RADIL: variants seen among roughly 807,000 people sequenced by gnomAD.
RADIL encodes the protein Rap associating with DIL domain, also known as ras-associating and dilute domain-containing protein.
RADIL carries 99 observed loss-of-function variants against 97.6 expected under a neutral mutation model. That is an observed-to-expected ratio of 1.01 (90% CI 0.86 to 1.20). The LOEUF is 1.20. Among genes scored for constraint, RADIL ranks in the 50% most tolerant of loss-of-function variants. The pLI, the probability that RADIL is intolerant of heterozygous loss-of-function variation, is 0.00. For synonymous variants in RADIL, 803 were observed against 691.8 expected (o/e 1.16, Z -2.52); for missense variants, 1,765 against 1,498.9 (o/e 1.18, Z -2.93).
chr7:4,830,736 T>C (rs1280031189), intron 5 of RADIL, among the ~76,000 whole-genome samples: 3 of 151,834 alleles, frequency 2.0e-5, no homozygotes, highest in Non-Finnish European at 2.9e-5. Context: ...AATTAGCGGC[T>C]GGGCGCGGTG....
intron 2 of RADIL, chr7:4,859,626 C>A: frequency 2.4e-6 from 1 of 411,546 alleles, no homozygotes. Flanking sequence ...ACAACAGGTT[C>A]AGTTGGCAGA....
At chr7:4,808,918 C>A (rs1782446866) in intron 9 of RADIL, 1 of 879,542 alleles carries the variant, frequency 1.1e-6, no homozygotes, top group African/African-American at 2.8e-5. Context: ...TGCCCCCCCA[C>A]GTCTCCTTCC....
At chr7:4,881,101 TAAAAAAAAAAAAAA>T (rs58900044) in intron 1 of RADIL, among the ~76,000 whole-genome samples, 3 of 55,180 alleles carry the variant, frequency 5.4e-5, no homozygotes, top group Non-Finnish European at 9.9e-5. Context: ...CCCTCTCTGT[TAAAAAAAAAAAAAA>T]AAAAAAAAAA....
Position 4,846,175 on chromosome 7 carries a change from G to A in RADIL, c.536-9570C>T, listed in dbSNP as rs557884261. Among the ~76,000 whole-genome samples, 33 of 151,184 alleles carry A rather than the reference G, an allele frequency of 2.2e-4. No homozygotes were observed. The South Asian group carries it at 6.3e-3, about 29-fold the overall frequency. ...AGACGGAGTCTCGCTCTGTCACCAG[G>A]CTGGAGTGCAGTGGTGCGATCTTGG... On this transcript the variant is annotated intron_variant, in intron 2 of 14. Transcript: ENST00000399583.
rs966801692 is a variant in RADIL at position 4,809,085 on chromosome 7, T to C, written c.2140-3369A>G. The C allele has an allele frequency of 4.1e-6, 4 of 978,092 alleles. No individual in the cohort carries two copies. In the East Asian group the frequency reaches 4.9e-4, roughly 120 times the overall value. 60.6% of individuals were successfully genotyped at this position (978,092 alleles called of 1,614,324 possible). A position where few individuals can be genotyped will look rare whatever the true frequency, so the allele number is the denominator to read the frequency against. On this transcript the variant is annotated intron_variant, in intron 9 of 14. Transcript: ENST00000399583. ...TGCCACTGCCCCTCCGCGTCTCCTG[T>C]AGACGCTCTGCTCAGGATGCGGGGC...
rs1274734358 is a variant in RADIL at position 4,842,101 on chromosome 7, G to A, written c.536-5496C>T. 5.9e-5 allele frequency among the ~76,000 whole-genome samples: 9 copies of A among 152,006 alleles called. No individual in the cohort carries two copies. Among genetic ancestry groups the A allele is most frequent in the Admixed American group, 1.3e-4 (2 of 15,262 alleles). Reference sequence around the variant, plus strand: ...CAAGGCCAGAGGCTGGAATAGCAGCGTAGGCCTCGTAAGGGACCATGGTTT... The same window carrying A: ...CAAGGCCAGAGGCTGGAATAGCAGCATAGGCCTCGTAAGGGACCATGGTTT... On this transcript the variant is annotated intron_variant, in intron 2 of 14. Transcript: ENST00000399583. This position sits in a 1 kb window ranked among gnomAD's most constrained non-coding sequence, Gnocchi z 4.5.
chr7:4,804,421 C>G (rs1231031569), intron 10 of RADIL, among the ~76,000 whole-genome samples: 1 of 152,234 alleles, frequency 6.6e-6, no homozygotes, highest in African/African-American at 2.4e-5. Flanking sequence ...TCCCGCCATC[C>G]CGTACTCTGT....
chr7:4,822,705 C>G lies in RADIL; in HGVS notation c.1455-151G>C. ...GACACTGCTGGGCGGGGACGTTTAA[C>G]AATACGTGTACCCGCCTGGCACCTG... is the stretch of plus-strand genomic sequence containing the variant. On this transcript the variant is annotated intron_variant, in intron 5 of 14. Transcript: ENST00000399583. This position sits in a 1 kb window ranked among gnomAD's most constrained non-coding sequence, Gnocchi z 5.3. The G allele has an allele frequency of 1.1e-6, 1 of 908,982 alleles. No homozygotes were observed. Among genetic ancestry groups the G allele is most frequent in the Non-Finnish European group, 1.6e-6 (1 of 618,752 alleles). The allele number at this position is 908,982 out of a possible 1,614,324, so 56.3% of individuals were successfully genotyped here.
At chr7:4,801,572 G>T (rs140550004) in intron 12 of RADIL, 81 bp downstream of exon 12, 7 of 1,434,276 alleles carry the variant, frequency 4.9e-6, no homozygotes, top group Non-Finnish European at 6.5e-6. Flanking sequence ...CCCAAGGGGG[G>T]AACGATCCCA....
In RADIL at chr7:4,822,279, G is replaced by A. The variant is rs560725143; in HGVS notation, c.1615+115C>T. The A allele has an allele frequency of 1.6e-4, 204 of 1,287,072 alleles. No homozygotes were observed. Among genetic ancestry groups the A allele is most frequent in the East Asian group, 7.4e-4 (29 of 39,350 alleles). The allele number at this position is 1,287,072 out of a possible 1,614,324, so 79.7% of individuals were successfully genotyped here. ...CAGCCTAGGGACTGAGGAAGCCCCC[G>A]GCATGAATCCACCCCTGCTATCATG... On this transcript the variant is annotated intron_variant, in intron 6 of 14. Transcript: ENST00000399583. The surrounding 1 kb of genome is among the most constrained non-coding windows in gnomAD (Gnocchi z 5.3).
Position 4,835,306 on chromosome 7 carries a change from T to G in RADIL, c.784-67A>C, listed in dbSNP as rs1783265024. The G allele has an allele frequency of 1.3e-6, 2 of 1,553,614 alleles. No individual in the cohort carries two copies. Among genetic ancestry groups the G allele is most frequent in the Admixed American group, 3.7e-5 (2 of 54,744 alleles). Reference sequence around the variant, plus strand: ...GCACACGGGAAAAGCGTCCCGTGTCTAGTCACTGGTTGCTGAAGCAGCGTG... The same window carrying G: ...GCACACGGGAAAAGCGTCCCGTGTCGAGTCACTGGTTGCTGAAGCAGCGTG... On this transcript the variant is annotated intron_variant, in intron 3 of 14. Coordinates refer to ENST00000399583, the MANE Select transcript of RADIL (RefSeq NM_018059.5). The surrounding 1 kb of genome is among the most constrained non-coding windows in gnomAD (Gnocchi z 5.8).
At chr7:4,811,276 C>T (rs1229911553) in intron 9 of RADIL, 1 of 152,280 alleles carries the variant, frequency 6.6e-6, no homozygotes, top group Non-Finnish European at 1.5e-5. Flanking sequence ...AACACCAATA[C>T]ACTCGGACCA....
intron 3 of RADIL, 73 bp downstream of exon 3, chr7:4,836,285 G>A (rs1783296631): frequency 1.3e-6 from 2 of 1,543,544 alleles, no homozygotes; most frequent in Non-Finnish European, 1.7e-6. Flanking sequence ...GCAGGCGGAG[G>A]CCTTGACTTC....
rs1438410796 is a variant in RADIL, at chr7:4,872,029, C to T, written c.535+5576G>A. ...CTCTGCACGTCACCATCCCTGAGAC[C>T]CTGGGTTTGCCAGGCACCCAGCCCC... On this transcript the variant is annotated intron_variant, in intron 2 of 14. Coordinates refer to ENST00000399583, the MANE Select transcript of RADIL (RefSeq NM_018059.5). This position sits in a 1 kb window ranked among gnomAD's most constrained non-coding sequence, Gnocchi z 5.8. Among the ~76,000 whole-genome samples, 1 of 152,186 alleles carries T rather than the reference C, an allele frequency of 6.6e-6. No individual in the cohort carries two copies. The highest frequency in any genetic ancestry group is 2.4e-5 in the African/African-American group (1 of 41,444).
intron 2 of RADIL, among the ~76,000 whole-genome samples, chr7:4,846,508 A>G (rs1353856037): frequency 6.7e-6 from 1 of 149,536 alleles, no homozygotes; most frequent in East Asian, 2.0e-4. Context: ...TGCCATCTAG[A>G]AAATGATTCC....
At chr7:4,810,917 C>T (rs1020093505) in intron 9 of RADIL, among the ~76,000 whole-genome samples, 7 of 152,186 alleles carry the variant, frequency 4.6e-5, no homozygotes, top group African/African-American at 1.7e-4. Context: ...GGGCGGATCA[C>T]CTGAGGTCAG....
intron 2 of RADIL, among the ~76,000 whole-genome samples, chr7:4,866,725 A>G (rs1784139305): frequency 1.3e-5 from 2 of 152,210 alleles, no homozygotes; most frequent in Admixed American, 6.5e-5. Flanking sequence ...TGAGGAGAGC[A>G]GCACAGTCAG....
intron 2 of RADIL, among the ~76,000 whole-genome samples, chr7:4,839,770 G>A (rs924933884): frequency 6.6e-6 from 1 of 152,152 alleles, no homozygotes; most frequent in Admixed American, 6.5e-5. Context: ...TTTTGGGACA[G>A]AGTCTCACTC....
chr7:4,873,231 C>T lies in RADIL; in HGVS notation c.535+4374G>A, dbSNP rs1784295239. 6.6e-6 allele frequency among the ~76,000 whole-genome samples: 1 copy of T among 152,146 alleles called. No individual in the cohort carries two copies. On this transcript the variant is annotated intron_variant, in intron 2 of 14. Coordinates refer to ENST00000399583, the MANE Select transcript of RADIL (RefSeq NM_018059.5). This position sits in a 1 kb window ranked among gnomAD's most constrained non-coding sequence, Gnocchi z 4.3. The stretch of plus-strand genomic sequence containing the variant: ...TACACGCGTGAGCCACCGCGCCCGG[C>T]CAAGTGTGACTCTTACCATAGGAGT...
Sources: allele counts gnomAD v4.1 joint callset (sites outside exome capture counted in the v4.1 genomes callset), GRCh38; gene constraint gnomAD v4.1.1; non-coding constraint Gnocchi (gnomAD v3.1); transcripts MANE v1.5; gene names NCBI Gene and HGNC (gene_info 2026-07-23, HGNC 2026-07-21).